The following BCAR3 variants were observed in gnomAD, a reference collection of about 807,000 sequenced individuals.
BCAR3 encodes the protein breast cancer anti-estrogen resistance protein 3.
Under a neutral mutation model 80.1 loss-of-function variants are expected in BCAR3, and 37 were observed. The ratio of observed to expected loss-of-function variants is 0.46; its 90% CI spans 0.36 to 0.61. The LOEUF (loss-of-function observed/expected upper bound fraction) is 0.61. Among genes scored for constraint, BCAR3 ranks in the 20% least tolerant of loss-of-function variants. The pLI is 0.00. For missense variants in BCAR3, 978 were observed against 1,068.2 expected (o/e 0.92, Z 1.18); for synonymous variants, 389 against 418.9 (o/e 0.93, Z 0.87).
chr1:93,763,773 C>A (rs12121513), intron 2 of BCAR3, among the ~76,000 whole-genome samples: 17,805 of 152,198 alleles, frequency 0.12, 1,469 homozygotes, highest in African/African-American at 0.22. Flanking sequence ...CTTTCTGGAA[C>A]ATAAAGGCCT....
intron 2 of BCAR3, among the ~76,000 whole-genome samples, chr1:93,729,402 GAA>G (rs1197154010): frequency 3.9e-5 from 6 of 152,290 alleles, no homozygotes; most frequent in Non-Finnish European, 8.8e-5. Context: ...GTGAGAAACA[GAA>G]AAGTTGTATG....
intron 2 of BCAR3, among the ~76,000 whole-genome samples, chr1:93,737,631 G>A (rs1183398217): frequency 6.6e-6 from 1 of 152,178 alleles, no homozygotes; most frequent in Admixed American, 6.5e-5. Context: ...ATAAATTCAT[G>A]TTGTTTTAAG....
chr1:93,819,415 C>A (rs1222195969), intron 2 of BCAR3, among the ~76,000 whole-genome samples: 1 of 152,212 alleles, frequency 6.6e-6, no homozygotes, highest in Non-Finnish European at 1.5e-5. Context: ...TTCGGGAGCA[C>A]CTTCCCTGGC....
intron 8 of BCAR3, among the ~76,000 whole-genome samples, chr1:93,572,979 T>C (rs1673280129): frequency 6.6e-6 from 1 of 152,210 alleles, no homozygotes; most frequent in South Asian, 2.1e-4. Flanking sequence ...TGTTTGCGTA[T>C]ATATGCATGT....
intron 3 of BCAR3, among the ~76,000 whole-genome samples, chr1:93,611,761 G>A (rs969961849): frequency 2.6e-5 from 4 of 152,190 alleles, no homozygotes; most frequent in African/African-American, 9.6e-5. Context: ...ATTCTCCTAT[G>A]TAAGGAGGGA....
upstream of BCAR3, among the ~76,000 whole-genome samples, chr1:93,683,294 G>A (rs547039561): frequency 6.6e-6 from 1 of 152,148 alleles, no homozygotes; most frequent in Admixed American, 6.5e-5. Context: ...ATTTCAATGT[G>A]ATCTAACTTC....
At chr1:93,726,880 T>C (rs1399766774) in intron 2 of BCAR3, among the ~76,000 whole-genome samples, 1 of 152,238 alleles carries the variant, frequency 6.6e-6, no homozygotes, top group Non-Finnish European at 1.5e-5. Context: ...CAACAGCCTG[T>C]ACTTCCTTTA....
chr1:93,621,223 C>G (rs1675297357), intron 3 of BCAR3, among the ~76,000 whole-genome samples: 1 of 152,226 alleles, frequency 6.6e-6, no homozygotes, highest in African/African-American at 2.4e-5. Context: ...TTTTCATGGT[C>G]ATAAGCTGAT....
At chr1:93,759,577 G>T (rs917352360) in intron 2 of BCAR3, among the ~76,000 whole-genome samples, 6 of 152,132 alleles carry the variant, frequency 3.9e-5, no homozygotes, top group African/African-American at 1.4e-4. Flanking sequence ...TCATTTTCAT[G>T]CCAACTGCAT....
chr1:93,672,176 T>C (rs756029530), intron 2 of BCAR3, among the ~76,000 whole-genome samples: 2 of 152,172 alleles, frequency 1.3e-5, no homozygotes, highest in Non-Finnish European at 2.9e-5. Context: ...CACCCTCCGA[T>C]AAGATCTTTT....
chr1:93,621,835 T>C (rs1451368178), intron 3 of BCAR3, among the ~76,000 whole-genome samples: 1 of 152,132 alleles, frequency 6.6e-6, no homozygotes, highest in South Asian at 2.1e-4. Context: ...ACTCACCCCA[T>C]GTGAAAGGTC....
intron 2 of BCAR3, among the ~76,000 whole-genome samples, chr1:93,716,284 C>T (rs917341803): frequency 6.6e-6 from 1 of 152,234 alleles, no homozygotes; most frequent in Non-Finnish European, 1.5e-5. Context: ...AAAAGAAGAT[C>T]TGCATATTCT....
intron 2 of BCAR3, among the ~76,000 whole-genome samples, chr1:93,843,318 T>C (rs1642860917): frequency 6.6e-6 from 1 of 152,220 alleles, no homozygotes; most frequent in Non-Finnish European, 1.5e-5. Flanking sequence ...ATGCTGTATC[T>C]GTACTGTCCT....
chr1:93,813,981 CCT>C (rs1264834434), intron 2 of BCAR3, among the ~76,000 whole-genome samples: 1 of 152,046 alleles, frequency 6.6e-6, no homozygotes, highest in Non-Finnish European at 1.5e-5. Flanking sequence ...GCAGACTGCC[CCT>C]GATTTTGAGT....
Position 93,562,172 on chromosome 1 carries a change from C to A in BCAR3, c.*69G>T. 6.7e-7 allele frequency: 1 copy of A among 1,490,794 alleles called. No homozygotes were observed. Among genetic ancestry groups the A allele is most frequent in the Non-Finnish European group, 9.1e-7 (1 of 1,097,614 alleles). 92.3% of individuals were successfully genotyped at this position (1,490,794 alleles called of 1,614,324 possible). ...TTGCACATTATTACTTTATCAAAAACAGTAAGCTTTCCCAAAGATGAAGCT... is the reference window on the plus strand; with the variant it reads ...TTGCACATTATTACTTTATCAAAAAAAGTAAGCTTTCCCAAAGATGAAGCT... On this transcript the variant is annotated 3_prime_UTR_variant, in exon 12 of 12. Coordinates refer to ENST00000260502, the MANE Select transcript of BCAR3 (RefSeq NM_003567.4).
rs550407977 is a variant in BCAR3 at position 93,610,239 on chromosome 1, C to T, written c.358-17846G>A. On this transcript the variant is annotated intron_variant, in intron 3 of 11. Transcript: ENST00000260502. ...GGAGGCCTGGCTGCTGGGATTATTC[C>T]TAGATCCTCTGTGACTTCTCTGACC... Among the ~76,000 whole-genome samples the T allele has an allele frequency of 1.2e-4, 19 of 152,312 alleles. No homozygotes were observed. The South Asian group carries it at 3.9e-3, about 32-fold the overall frequency.
In BCAR3 at chr1:93,681,802, C is replaced by T. The variant is rs1648786258; in HGVS notation, c.-216G>A. The T allele has an allele frequency of 1.3e-5, 2 of 152,102 alleles. No homozygotes were observed. Among genetic ancestry groups the T allele is most frequent in the Non-Finnish European group, 1.5e-5 (1 of 68,080 alleles). 9.4% of individuals were successfully genotyped at this position (152,102 alleles called of 1,614,324 possible). ...CCGCAGCTCCGGCTCCGGTCCCGGC[C>T]CCGTCCCCCGCCCGGCCAGCAGCAG... On this transcript the variant is annotated 5_prime_UTR_variant, in exon 1 of 12. Coordinates refer to ENST00000260502, the MANE Select transcript of BCAR3 (RefSeq NM_003567.4).
intron 2 of BCAR3, among the ~76,000 whole-genome samples, chr1:93,841,901 T>C (rs1164523330): frequency 6.6e-6 from 1 of 152,184 alleles, no homozygotes; most frequent in East Asian, 1.9e-4. Flanking sequence ...CCTCCATTAT[T>C]TTCCCAGCCT....
intron 2 of BCAR3, among the ~76,000 whole-genome samples, chr1:93,730,252 T>C (rs1650737074): frequency 6.6e-6 from 1 of 152,094 alleles, no homozygotes. Flanking sequence ...ATCCTTCACG[T>C]CCACAGAGAG....
Sources: allele counts gnomAD v4.1 joint callset (sites outside exome capture counted in the v4.1 genomes callset), GRCh38; gene constraint gnomAD v4.1.1; transcripts MANE v1.5; gene names NCBI Gene and HGNC (gene_info 2026-07-23, HGNC 2026-07-21).